Variants in HERC3 observed in about 807,000 individuals in gnomAD.
HERC3 encodes HECT and RLD domain containing E3 ubiquitin protein ligase 3, also known as probable E3 ubiquitin-protein ligase HERC3.
A neutral mutation model predicts 129.9 loss-of-function variants in HERC3; 58 were observed. The observed-to-expected ratio is 0.45, with a 90% CI of 0.36 to 0.56. The LOEUF (loss-of-function observed/expected upper bound fraction) is 0.56. Ranked by LOEUF, HERC3 falls within the 20% of genes least tolerant of loss-of-function variation. The pLI, the probability that HERC3 is intolerant of heterozygous loss-of-function variation, is 0.00. For missense variants in HERC3, 835 were observed against 1,244.2 expected (o/e 0.67, Z 4.95); for synonymous variants, 430 against 451.0 (o/e 0.95, Z 0.59).
the HERC3 span, among the ~76,000 whole-genome samples, chr4:88,549,380 A>G: frequency 6.6e-6 from 1 of 151,310 alleles, no homozygotes; most frequent in Non-Finnish European, 1.5e-5. Context: ...TCATGGGTGT[A>G]TTGCATAATG....
rs1329171853 is a variant in HERC3 at position 88,662,650 on chromosome 4, A to G, written c.1271+95A>G. On this transcript the variant is annotated intron_variant, in intron 11 of 25. Coordinates refer to ENST00000402738, the MANE Select transcript of HERC3 (RefSeq NM_014606.3). ...TCCGTACTTGCATATTGATACTGTG[A>G]ATGTAAATGGGGTTTTACATTATAG... The G allele has an allele frequency of 2.3e-6, 3 of 1,280,170 alleles. No homozygotes were observed. The East Asian group carries it at 7.1e-5, about 30-fold the overall frequency. The allele number at this position is 1,280,170 out of a possible 1,614,324, so 79.3% of individuals were successfully genotyped here. A position where few individuals can be genotyped will look rare whatever the true frequency, so the allele number is the denominator to read the frequency against.
the HERC3 span, among the ~76,000 whole-genome samples, chr4:88,535,803 C>T: frequency 6.6e-6 from 1 of 152,212 alleles, no homozygotes; most frequent in African/African-American, 2.4e-5. Context: ...GAATTTGGCA[C>T]TTAAGTTTCC....
chr4:88,577,605 G>GTATATATATATATATATA, the HERC3 span, among the ~76,000 whole-genome samples: 28 of 131,860 alleles, frequency 2.1e-4, 1 homozygote, highest in South Asian at 2.2e-3. Flanking sequence ...GTATGTGTGT[G>GTATATATATATATATATA]TATATATATA....
the HERC3 span, among the ~76,000 whole-genome samples, chr4:88,544,987 G>A: frequency 2.2e-3 from 339 of 152,052 alleles, 2 homozygotes; most frequent in South Asian, 0.011. Context: ...CCAACATGGC[G>A]CATGTATACC....
chr4:88,574,349 G>A, the HERC3 span, among the ~76,000 whole-genome samples: 1 of 152,174 alleles, frequency 6.6e-6, no homozygotes, highest in Admixed American at 6.5e-5. Flanking sequence ...CTAATGTCTT[G>A]TAATGCCAGA....
At chr4:88,560,607 A>C in the HERC3 span, among the ~76,000 whole-genome samples, 3 of 152,088 alleles carry the variant, frequency 2.0e-5, no homozygotes, top group African/African-American at 7.2e-5. Flanking sequence ...CCATTTATTT[A>C]GTATTGCTTT....
At chr4:88,584,892 C>G in the HERC3 span, among the ~76,000 whole-genome samples, 1 of 152,178 alleles carries the variant, frequency 6.6e-6, no homozygotes, top group African/African-American at 2.4e-5. Flanking sequence ...TGGGTGACAA[C>G]TTGAATGGAA....
chr4:88,553,234 CA>C, the HERC3 span, among the ~76,000 whole-genome samples: 1 of 152,274 alleles, frequency 6.6e-6, no homozygotes, highest in South Asian at 2.1e-4. Context: ...ACACTAACAG[CA>C]GAGTTTGGGA....
chr4:88,677,803 T>C (rs1479356771), intron 18 of HERC3, among the ~76,000 whole-genome samples, 161 bp from the exon 19 acceptor site: 2 of 152,196 alleles, frequency 1.3e-5, no homozygotes, highest in African/African-American at 2.4e-5. Context: ...TTGAGTGCTG[T>C]GTAAACATAA....
intron 4 of HERC3, among the ~76,000 whole-genome samples, chr4:88,650,408 G>A (rs1729145932): frequency 6.6e-6 from 1 of 152,176 alleles, no homozygotes; most frequent in African/African-American, 2.4e-5. Flanking sequence ...ATCACTTTAA[G>A]CATTACAAAC....
At chr4:88,610,056 G>A (rs555754949) in intron 3 of HERC3, among the ~76,000 whole-genome samples, 1 of 152,208 alleles carries the variant, frequency 6.6e-6, no homozygotes, top group South Asian at 2.1e-4. Flanking sequence ...GGCCATTTTG[G>A]TTTTAGTGGG....
chr4:88,570,469 C>G, the HERC3 span, among the ~76,000 whole-genome samples: 7 of 152,182 alleles, frequency 4.6e-5, no homozygotes, highest in Non-Finnish European at 8.8e-5. Context: ...ATATAGTGCA[C>G]TCTCCTATCT....
chr4:88,641,390 A>G (rs1476250232), intron 3 of HERC3, among the ~76,000 whole-genome samples: 1 of 152,236 alleles, frequency 6.6e-6, no homozygotes, highest in Admixed American at 6.5e-5. Context: ...GCCTTCACTT[A>G]TGAAATGAGA....
At chr4:88,643,029 A>G (rs1297854609) in intron 3 of HERC3, among the ~76,000 whole-genome samples, 4 of 152,214 alleles carry the variant, frequency 2.6e-5, no homozygotes, top group Admixed American at 6.5e-5. Context: ...TGAAAATTAA[A>G]AAACTATTAG....
chr4:88,695,758 T>C (rs562990712), intron 23 of HERC3, among the ~76,000 whole-genome samples: 1 of 152,308 alleles, frequency 6.6e-6, no homozygotes, highest in South Asian at 2.1e-4. Flanking sequence ...TTGCTCTTCA[T>C]AGTAACCCAT....
intron 3 of HERC3, among the ~76,000 whole-genome samples, chr4:88,643,230 T>C (rs1269271746): frequency 6.6e-6 from 1 of 152,174 alleles, no homozygotes; most frequent in Non-Finnish European, 1.5e-5. Context: ...GTAGAAGAAA[T>C]CCAAGACCTC....
intron 7 of HERC3, 57 bp from the exon 8 acceptor site, chr4:88,655,116 GT>G (rs1296259242): frequency 5.0e-6 from 8 of 1,593,066 alleles, no homozygotes; most frequent in Non-Finnish European, 8.6e-7. Context: ...TGTATACAGG[GT>G]TTAGAGGTAT....
chr4:88,566,977 T>C, the HERC3 span, among the ~76,000 whole-genome samples: 2 of 151,880 alleles, frequency 1.3e-5, no homozygotes, highest in Non-Finnish European at 2.9e-5. Flanking sequence ...TTTTGTGGAG[T>C]TGGGTTTCAC....
chr4:88,544,884 C>T, the HERC3 span, among the ~76,000 whole-genome samples: 5 of 152,124 alleles, frequency 3.3e-5, no homozygotes, highest in African/African-American at 1.2e-4. Flanking sequence ...GGGAGCATCA[C>T]ACACTGGGGC....
Sources: gnomAD v4.1 joint callset for allele counts (sites outside exome capture counted in the v4.1 genomes callset) on GRCh38, gnomAD v4.1.1 for gene constraint, MANE v1.5 for transcripts, NCBI Gene and HGNC (gene_info 2026-07-23, HGNC 2026-07-21) for gene names.